Variants in UBE2E1 observed in about 807,000 individuals in gnomAD.
UBE2E1 encodes the protein ubiquitin-conjugating enzyme E2 E1.
A neutral mutation model predicts 21.4 loss-of-function variants in UBE2E1; 6 were observed. The observed-to-expected ratio is 0.28, with a 90% CI of 0.15 to 0.55. The LOEUF is 0.55. Ranked by LOEUF, UBE2E1 falls within the 20% of genes least tolerant of loss-of-function variation. The pLI, the probability that UBE2E1 is intolerant of heterozygous loss-of-function variation, is 0.93. For synonymous variants in UBE2E1, 87 were observed against 82.7 expected, an observed-to-expected ratio of 1.05 and a Z score of -0.28; for missense variants, 142 against 236.5, an observed-to-expected ratio of 0.60 and a Z score of 2.62.
chr3:23,890,677 A>C lies in UBE2E1; in HGVS notation c.*71A>C. ...AGCTGCTTATGATTTTGAAGGGGTC[A>C]GGGAGGGTGGGAGTTGGTAAAGAGT... On this transcript the variant is annotated 3_prime_UTR_variant, in exon 6 of 6. Coordinates refer to ENST00000306627, the MANE Select transcript of UBE2E1 (RefSeq NM_003341.5). The C allele has an allele frequency of 1.5e-6, 1 of 648,472 alleles. No homozygotes were observed. The highest frequency in any genetic ancestry group is 2.6e-6 in the Non-Finnish European group (1 of 386,374). 40.2% of individuals were successfully genotyped at this position (648,472 alleles called of 1,614,324 possible).
intron 3 of UBE2E1, among the ~76,000 whole-genome samples, chr3:23,848,934 C>G (rs1700266467): frequency 6.6e-6 from 1 of 152,148 alleles, no homozygotes; most frequent in South Asian, 2.1e-4. Flanking sequence ...CAAGGTTCAT[C>G]CATGTTGTGT....
chr3:23,843,452 G>GTCTT (rs1178362298), intron 3 of UBE2E1, among the ~76,000 whole-genome samples: 3 of 152,166 alleles, frequency 2.0e-5, no homozygotes, highest in Non-Finnish European at 2.9e-5. Flanking sequence ...CTGCATAAAT[G>GTCTT]TCTTAAGTCT....
chr3:23,850,682 T>TTG (rs1700303652), intron 3 of UBE2E1, among the ~76,000 whole-genome samples: 1 of 110,894 alleles, frequency 9.0e-6, no homozygotes, highest in African/African-American at 3.9e-5. Flanking sequence ...CACCTGATTG[T>TTG]TTTTTTTTTT....
At chr3:23,846,854 C>G (rs951813304) in intron 3 of UBE2E1, among the ~76,000 whole-genome samples, 4 of 151,772 alleles carry the variant, frequency 2.6e-5, no homozygotes, top group African/African-American at 4.8e-5. Context: ...GTAAAAATAG[C>G]TAGGTGTTTA....
In UBE2E1 at chr3:23,810,580, G is replaced by C; in HGVS notation, c.153-880G>C. The C allele has an allele frequency of 7.3e-6, 11 of 1,500,942 alleles. No homozygotes were observed. Among genetic ancestry groups the C allele is most frequent in the Non-Finnish European group, 9.8e-6 (11 of 1,123,482 alleles). The allele number at this position is 1,500,942 out of a possible 1,614,324, so 93.0% of individuals were successfully genotyped here. ...GGCCAGCGTGCGGGGCGGAGGCAGG[G>C]TCCGGTGCACCTGTGCGGCCGCGGG... On this transcript the variant is annotated intron_variant, in intron 2 of 5. Transcript: ENST00000306627. The surrounding 1 kb of genome is among the most constrained non-coding windows in gnomAD (Gnocchi z 5.8).
rs763416238 is a variant in UBE2E1 at position 23,808,656 on chromosome 3, G to A, written c.152+1235G>A. 1 of 152,180 alleles carries A rather than the reference G, an allele frequency of 6.6e-6. No homozygotes were observed. Among genetic ancestry groups the A allele is most frequent in the Non-Finnish European group, 1.5e-5 (1 of 68,066 alleles). 9.4% of individuals were successfully genotyped at this position (152,180 alleles called of 1,614,324 possible). ...AAAAAATAGTGTGGAGGTCTTAAGT[G>A]GCAAGGTGCCTCTGCAAGATTGTTC... On this transcript the variant is annotated intron_variant, in intron 2 of 5. Transcript: ENST00000306627. This position sits in a 1 kb window ranked among gnomAD's most constrained non-coding sequence, Gnocchi z 4.9.
intron 3 of UBE2E1, among the ~76,000 whole-genome samples, chr3:23,834,351 A>C (rs991207090): frequency 6.6e-6 from 1 of 152,202 alleles, no homozygotes; most frequent in Admixed American, 6.5e-5. Flanking sequence ...TCAGAGGACA[A>C]ATGTTTGTCA....
chr3:23,810,226 G>A lies in UBE2E1; in HGVS notation c.153-1234G>A, dbSNP rs1344197590. On this transcript the variant is annotated intron_variant, in intron 2 of 5. Transcript: ENST00000306627. The surrounding 1 kb of genome is among the most constrained non-coding windows in gnomAD (Gnocchi z 5.8). ...AGCCCCATTGGGCTTTATATGATAGGAGGAGGAAAGGTTATAAAATTAGGC... is the reference window on the plus strand; with the variant it reads ...AGCCCCATTGGGCTTTATATGATAGAAGGAGGAAAGGTTATAAAATTAGGC... 6.6e-6 allele frequency among the ~76,000 whole-genome samples: 1 copy of A among 152,194 alleles called. No homozygotes were observed. The highest frequency in any genetic ancestry group is 1.5e-5 in the Non-Finnish European group (1 of 68,046).
At chr3:23,830,143 T>C (rs956495445) in intron 3 of UBE2E1, among the ~76,000 whole-genome samples, 2 of 152,248 alleles carry the variant, frequency 1.3e-5, no homozygotes, top group Non-Finnish European at 2.9e-5. Context: ...CTCCTCTAAT[T>C]CTTACATGCA....
intron 3 of UBE2E1, among the ~76,000 whole-genome samples, chr3:23,833,553 A>G (rs1396699611): frequency 2.0e-5 from 3 of 152,260 alleles, no homozygotes; most frequent in East Asian, 1.9e-4. Flanking sequence ...AGTTAAACAG[A>G]GTATTAAATG....
chr3:23,866,584 A>T (rs923490621), intron 3 of UBE2E1: 2 of 152,146 alleles, frequency 1.3e-5, no homozygotes, highest in African/African-American at 4.8e-5. Context: ...TAACGTTTGG[A>T]CTGTAATTGA....
At position 23,842,420 on chromosome 3, in the gene UBE2E1, A is replaced by G. The variant is rs541432327; in HGVS notation, c.203+30910A>G. On this transcript the variant is annotated intron_variant, in intron 3 of 5. Coordinates refer to ENST00000306627, the MANE Select transcript of UBE2E1 (RefSeq NM_003341.5). The surrounding 1 kb of genome is among the most constrained non-coding windows in gnomAD (Gnocchi z 4.6). Reference sequence around the variant, plus strand: ...GCCACGATTCCCAGCTAATTTTTCTATTTTTTTGTGGAGACGGAGTCGTGC... The same window carrying G: ...GCCACGATTCCCAGCTAATTTTTCTGTTTTTTTGTGGAGACGGAGTCGTGC... 5.9e-5 allele frequency among the ~76,000 whole-genome samples: 9 copies of G among 151,806 alleles called. No individual in the cohort carries two copies. Among genetic ancestry groups the G allele is most frequent in the Admixed American group, 2.0e-4 (3 of 15,262 alleles).
At chr3:23,861,175 T>C (rs1367833731) in intron 3 of UBE2E1, among the ~76,000 whole-genome samples, 1 of 152,250 alleles carries the variant, frequency 6.6e-6, no homozygotes, top group Non-Finnish European at 1.5e-5. Flanking sequence ...TTGATAACTC[T>C]TTAGTATTGT....
At chr3:23,827,261 T>G (rs756723279) in intron 3 of UBE2E1, among the ~76,000 whole-genome samples, 16 of 152,236 alleles carry the variant, frequency 1.1e-4, no homozygotes, top group Non-Finnish European at 2.4e-4. Context: ...ATGATATGAA[T>G]GCATGAATAT....
In UBE2E1 at chr3:23,876,213, C is replaced by T. The variant is rs573166928; in HGVS notation, c.204-11354C>T. On this transcript the variant is annotated intron_variant, in intron 3 of 5. Coordinates refer to ENST00000306627, the MANE Select transcript of UBE2E1 (RefSeq NM_003341.5). This position sits in a 1 kb window ranked among gnomAD's most constrained non-coding sequence, Gnocchi z 4.3. ...ACCAGAGCCTCTTCCTTTCCTCTTC[C>T]CCTCACCTTAGGTGAGGAAGCCTTC... Among the ~76,000 whole-genome samples, 42 of 152,324 alleles carry T rather than the reference C, an allele frequency of 2.8e-4. No homozygotes were observed. The highest frequency in any genetic ancestry group is 5.2e-4 in the Admixed American group (8 of 15,300).
At chr3:23,807,192 G>C (rs1356517911) in intron 1 of UBE2E1, 45 bp from the exon 2 acceptor site, 2 of 1,489,406 alleles carry the variant, frequency 1.3e-6, no homozygotes, top group Non-Finnish European at 1.8e-6. Context: ...ATTTACACTG[G>C]CTGCATGGTT....
At chr3:23,843,454 C>G (rs935896041) in intron 3 of UBE2E1, among the ~76,000 whole-genome samples, 1 of 152,174 alleles carries the variant, frequency 6.6e-6, no homozygotes, top group African/African-American at 2.4e-5. Context: ...GCATAAATGT[C>G]TTAAGTCTTT....
intron 4 of UBE2E1, among the ~76,000 whole-genome samples, chr3:23,888,010 T>C (rs1336401070): frequency 6.6e-6 from 1 of 152,028 alleles, no homozygotes; most frequent in Non-Finnish European, 1.5e-5. Context: ...TTTCTCGAGG[T>C]TAAAAATGGT....
At chr3:23,847,516 A>G (rs1173931042) in intron 3 of UBE2E1, among the ~76,000 whole-genome samples, 1 of 109,878 alleles carries the variant, frequency 9.1e-6, no homozygotes, top group African/African-American at 3.6e-5. Flanking sequence ...TTTTTTTGAG[A>G]CAGAGTCTCG....
Sources: gnomAD v4.1 joint callset for allele counts (sites outside exome capture counted in the v4.1 genomes callset) on GRCh38, gnomAD v4.1.1 for gene constraint, Gnocchi (gnomAD v3.1) non-coding constraint, MANE v1.5 for transcripts, NCBI Gene and HGNC (gene_info 2026-07-23, HGNC 2026-07-21) for gene names.